GPC5: variants seen among roughly 807,000 people sequenced by gnomAD.
The protein encoded by GPC5 is glypican 5.
In GPC5, 47 loss-of-function variants were observed where a neutral mutation model predicts 53.9. The observed-to-expected ratio is 0.87, with a 90% CI of 0.69 to 1.11. The LOEUF (loss-of-function observed/expected upper bound fraction) is 1.11. Among genes scored for constraint, GPC5 ranks in the 50% most tolerant of loss-of-function variants. The pLI is 0.00. For synonymous variants in GPC5, 286 were observed against 263.3 expected, an observed-to-expected ratio of 1.09 and a Z score of -0.84; for missense variants, 748 against 713.1, an observed-to-expected ratio of 1.05 and a Z score of -0.56.
chr13:92,752,936 C>A (rs1445865720), intron 7 of GPC5, among the ~76,000 whole-genome samples: 1 of 152,198 alleles, frequency 6.6e-6, no homozygotes, highest in Non-Finnish European at 1.5e-5. Context: ...ATTGCCCAGG[C>A]TTGCTTAGGC....
chr13:91,442,115 A>C (rs1346181266), intron 1 of GPC5, among the ~76,000 whole-genome samples: 2 of 152,220 alleles, frequency 1.3e-5, no homozygotes, highest in Non-Finnish European at 2.9e-5. Context: ...GCACAGATAC[A>C]GGAAGCCACA....
chr13:92,333,793 C>A (rs12871110), intron 7 of GPC5, among the ~76,000 whole-genome samples: 1,536 of 152,098 alleles, frequency 0.01, 26 homozygotes, highest in Middle Eastern at 0.048. Context: ...AGAGGCAGAG[C>A]AAGCAGACAT....
chr13:91,639,720 A>G (rs1226779692), intron 2 of GPC5, among the ~76,000 whole-genome samples: 1 of 152,178 alleles, frequency 6.6e-6, no homozygotes, highest in African/African-American at 2.4e-5. Flanking sequence ...CAGGCTCTCT[A>G]GCAACATATT....
At chr13:91,885,359 T>C (rs2039310557) in intron 5 of GPC5, among the ~76,000 whole-genome samples, 1 of 152,102 alleles carries the variant, frequency 6.6e-6, no homozygotes, top group African/African-American at 2.4e-5. Flanking sequence ...TTTAAGGAAG[T>C]TTTTTTTCTT....
chr13:92,847,267 G>A (rs935391859), intron 7 of GPC5, among the ~76,000 whole-genome samples: 2 of 152,154 alleles, frequency 1.3e-5, no homozygotes, highest in Admixed American at 1.3e-4. Flanking sequence ...AAGTTAGAGT[G>A]CAGAGTTCTG....
chr13:92,236,071 G>C (rs1381790275), intron 7 of GPC5, among the ~76,000 whole-genome samples: 1 of 151,874 alleles, frequency 6.6e-6, no homozygotes, highest in Non-Finnish European at 1.5e-5. Flanking sequence ...AAGAAATAAG[G>C]TAATATTTAT....
chr13:91,832,732 C>G (rs2038676709), intron 5 of GPC5, among the ~76,000 whole-genome samples: 1 of 152,066 alleles, frequency 6.6e-6, no homozygotes, highest in Non-Finnish European at 1.5e-5. Flanking sequence ...CTCTGGGACA[C>G]ATTTGGAGCA....
At chr13:92,247,987 A>G (rs34211668) in intron 7 of GPC5, among the ~76,000 whole-genome samples, 12,681 of 152,156 alleles carry the variant, frequency 0.083, 649 homozygotes, top group East Asian at 0.17. Flanking sequence ...AACAGCCAGC[A>G]CACATAAACA....
At chr13:92,610,996 G>A (rs1884418192) in intron 7 of GPC5, among the ~76,000 whole-genome samples, 1 of 148,290 alleles carries the variant, frequency 6.7e-6, no homozygotes, top group African/African-American at 2.5e-5. Context: ...CTTAATCTAG[G>A]TAGATTTCTC....
At chr13:91,987,526 A>G (rs977523111) in intron 6 of GPC5, among the ~76,000 whole-genome samples, 6 of 151,938 alleles carry the variant, frequency 3.9e-5, no homozygotes, top group Non-Finnish European at 7.4e-5. Flanking sequence ...TTGCTTTTTT[A>G]TATGCATTTA....
At chr13:92,832,891 C>T (rs889253420) in intron 7 of GPC5, among the ~76,000 whole-genome samples, 1 of 152,012 alleles carries the variant, frequency 6.6e-6, no homozygotes, top group Non-Finnish European at 1.5e-5. Flanking sequence ...GCCTATAATC[C>T]CAGCTACTTG....
chr13:92,223,091 C>T (rs1431936147), intron 7 of GPC5, among the ~76,000 whole-genome samples: 1 of 151,986 alleles, frequency 6.6e-6, no homozygotes, highest in Non-Finnish European at 1.5e-5. Flanking sequence ...TTTATTTTTA[C>T]AGGAAATGTG....
intron 5 of GPC5, among the ~76,000 whole-genome samples, chr13:91,814,033 A>C (rs1336290862): frequency 6.9e-6 from 1 of 145,906 alleles, no homozygotes; most frequent in East Asian, 2.1e-4. Context: ...TCCGGGTTCA[A>C]GCCATTCTCC....
intron 3 of GPC5, among the ~76,000 whole-genome samples, chr13:91,695,372 A>AT (rs1198598504): frequency 7.2e-5 from 11 of 151,780 alleles, no homozygotes; most frequent in African/African-American, 1.7e-4. Flanking sequence ...TATTATTATT[A>AT]TTATTTATTT....
intron 7 of GPC5, among the ~76,000 whole-genome samples, chr13:92,431,006 G>T (rs1877059726): frequency 6.6e-6 from 1 of 152,134 alleles, no homozygotes; most frequent in Non-Finnish European, 1.5e-5. Context: ...ATGCTGATGA[G>T]CACTATGCAA....
intron 7 of GPC5, among the ~76,000 whole-genome samples, chr13:92,335,334 G>C (rs2043314710): frequency 6.6e-6 from 1 of 152,146 alleles, no homozygotes; most frequent in Non-Finnish European, 1.5e-5. Context: ...TTTAGCCACA[G>C]CTGGAGTGGC....
chr13:92,563,929 TTCA>T (rs904403973), intron 7 of GPC5, among the ~76,000 whole-genome samples: 1 of 151,994 alleles, frequency 6.6e-6, no homozygotes, highest in African/African-American at 2.4e-5. Context: ...TGGGGTGATC[TTCA>T]TCATCATCCA....
chr13:91,948,576 T>C (rs1407952690), intron 6 of GPC5, among the ~76,000 whole-genome samples: 1 of 152,194 alleles, frequency 6.6e-6, no homozygotes, highest in Non-Finnish European at 1.5e-5. Flanking sequence ...AAGTTATTTG[T>C]TAAACATAGG....
chr13:91,682,151 A>T (rs2035522856), intron 2 of GPC5, among the ~76,000 whole-genome samples: 1 of 152,212 alleles, frequency 6.6e-6, no homozygotes, highest in South Asian at 2.1e-4. Flanking sequence ...CTGCAACTTG[A>T]TCATCTGTAA....
Sources: allele counts gnomAD v4.1 joint callset (sites outside exome capture counted in the v4.1 genomes callset), GRCh38; gene constraint gnomAD v4.1.1; transcripts MANE v1.5; gene names NCBI Gene and HGNC (gene_info 2026-07-23, HGNC 2026-07-21).